CTTN: variants seen among roughly 807,000 people sequenced by gnomAD.
CTTN encodes the protein cortactin, also known as src substrate cortactin.
Under a neutral mutation model 84.0 loss-of-function variants are expected in CTTN, and 28 were observed. The observed-to-expected ratio is 0.33, with a 90% CI of 0.25 to 0.46. The LOEUF (loss-of-function observed/expected upper bound fraction) is 0.46. Among genes scored for constraint, CTTN ranks in the 20% least tolerant of loss-of-function variants. The pLI, the probability that CTTN is intolerant of heterozygous loss-of-function variation, is 1.00. For missense variants in CTTN, 641 were observed against 723.8 expected (o/e 0.89, Z 1.31); for synonymous variants, 301 against 288.8 (o/e 1.04, Z -0.43).
intron 5 of CTTN, among the ~76,000 whole-genome samples, chr11:70,411,863 A>G (rs1051422280): frequency 6.6e-6 from 1 of 150,572 alleles, no homozygotes; most frequent in Non-Finnish European, 1.5e-5. Flanking sequence ...TCCCAGGGAG[A>G]CTCCCCTCCG....
At chr11:70,409,124 G>A (rs2058073911) in intron 4 of CTTN, among the ~76,000 whole-genome samples, 1 of 152,074 alleles carries the variant, frequency 6.6e-6, no homozygotes, top group Admixed American at 6.5e-5. Context: ...TCCAAGCCTG[G>A]TTTGTATTTC....
rs115938140 is a variant in CTTN, at chr11:70,423,538, G to A, written c.957+543G>A. Reference sequence around the variant, plus strand: ...TGACCACACAGCACCATCCAGGGGCGTAGGCAGGCAGAGCAGGTGTTCGGG... The same window carrying A: ...TGACCACACAGCACCATCCAGGGGCATAGGCAGGCAGAGCAGGTGTTCGGG... On this transcript the variant is annotated intron_variant, in intron 12 of 17. Coordinates refer to ENST00000301843, the MANE Select transcript of CTTN (RefSeq NM_005231.4). 4.0e-3 allele frequency among the ~76,000 whole-genome samples: 606 copies of A among 152,342 alleles called. 5 individuals carry two copies. The highest frequency in any genetic ancestry group is 0.014 in the African/African-American group (564 of 41,582).
chr11:70,431,161 A>G, intron 14 of CTTN, 30 bp from the exon 15 acceptor site: 3 of 1,607,006 alleles, frequency 1.9e-6, no homozygotes, highest in Non-Finnish European at 2.6e-6. Flanking sequence ...TCATGGCAGC[A>G]TTCTGATTGC....
chr11:70,425,130 A>G (rs1032918822), intron 12 of CTTN, among the ~76,000 whole-genome samples: 1 of 152,142 alleles, frequency 6.6e-6, no homozygotes, highest in African/African-American at 2.4e-5. Context: ...ATGCTGACCC[A>G]CGATTGCCTG....
At chr11:70,416,525 G>A (rs759237392) in intron 7 of CTTN, among the ~76,000 whole-genome samples, 56 of 152,076 alleles carry the variant, frequency 3.7e-4, no homozygotes, top group Non-Finnish European at 1.2e-4. Context: ...TGCGCCTCCT[G>A]GGTTCAAACG....
chr11:70,407,281 C>A lies in CTTN; in HGVS notation c.1-17C>A. On this transcript the variant is annotated splice_polypyrimidine_tract_variant and intron_variant, in intron 2 of 17. Transcript: ENST00000301843. ...GCGCCCTGAGGCCTCCGTAACCCTCCCCGGCTGCTCTTTCAGATGTGGAAA... is the reference window on the plus strand; with the variant it reads ...GCGCCCTGAGGCCTCCGTAACCCTCACCGGCTGCTCTTTCAGATGTGGAAA... 1 of 1,549,368 alleles carries A rather than the reference C, an allele frequency of 6.5e-7. No individual in the cohort carries two copies. The highest frequency in any genetic ancestry group is 8.7e-7 in the Non-Finnish European group (1 of 1,146,586).
chr11:70,435,278 T>TTTTTTAG lies in CTTN; in HGVS notation c.*116_*117insTTTTTAG. On this transcript the variant is annotated 3_prime_UTR_variant, in exon 18 of 18. Transcript: ENST00000301843. ...GTTTTTTTTTTTTTTTTTTTTTTTT[T>TTTTTTAG]GAAGGTGGGGAGGGGAATATACACA... 3.6e-6 allele frequency: 4 copies of TTTTTTAG among 1,113,738 alleles called. No homozygotes were observed. The highest frequency in any genetic ancestry group is 1.9e-5 in the South Asian group (1 of 52,410). The allele number at this position is 1,113,738 out of a possible 1,614,324, so 69.0% of individuals were successfully genotyped here. A position where few individuals can be genotyped will look rare whatever the true frequency, so the allele number is the denominator to read the frequency against.
intron 8 of CTTN, among the ~76,000 whole-genome samples, chr11:70,418,886 C>G (rs574366880): frequency 6.7e-6 from 1 of 150,278 alleles, no homozygotes; most frequent in African/African-American, 2.5e-5. Flanking sequence ...AAACAATTCT[C>G]CTGCCTCAGT....
intron 12 of CTTN, among the ~76,000 whole-genome samples, chr11:70,423,613 C>T (rs540844893): frequency 4.6e-5 from 7 of 152,182 alleles, no homozygotes; most frequent in Admixed American, 2.0e-4. Context: ...AGGGCAGGCG[C>T]GAGTTCACCA....
chr11:70,412,742 G>T (rs1038363464), intron 5 of CTTN, among the ~76,000 whole-genome samples: 2 of 152,124 alleles, frequency 1.3e-5, no homozygotes, highest in African/African-American at 2.4e-5. Context: ...CTTGCATCCC[G>T]TAGCCCTGAG....
chr11:70,419,676 G>A, intron 8 of CTTN, 70 bp from the exon 9 acceptor site: 1 of 1,335,748 alleles, frequency 7.5e-7, no homozygotes, highest in Non-Finnish European at 1.0e-6. Flanking sequence ...TTTAATCAAA[G>A]GATAAAATAC....
chr11:70,415,836 T>C, intron 7 of CTTN, 119 bp downstream of exon 7: 1 of 932,506 alleles, frequency 1.1e-6, no homozygotes, highest in South Asian at 1.4e-5. Context: ...CACAGCCACC[T>C]GAAGCCGTTT....
intron 6 of CTTN, among the ~76,000 whole-genome samples, chr11:70,415,059 C>T (rs887066728): frequency 6.6e-6 from 1 of 152,160 alleles, no homozygotes; most frequent in Non-Finnish European, 1.5e-5. Flanking sequence ...TGCAGTCATC[C>T]TAGGCCCGAG....
chr11:70,401,972 T>C (rs1013013793), intron 1 of CTTN, among the ~76,000 whole-genome samples: 2 of 151,530 alleles, frequency 1.3e-5, no homozygotes, highest in African/African-American at 4.9e-5. Context: ...ACCAACATAA[T>C]GAAACCCCAT....
chr11:70,422,972 G>T lies in CTTN; in HGVS notation c.934G>T (p.Val312Leu). 1.2e-6 allele frequency: 2 copies of T among 1,614,056 alleles called. No homozygotes were observed. Among genetic ancestry groups the T allele is most frequent in the Non-Finnish European group, 1.7e-6 (2 of 1,180,008 alleles). Reference protein sequence around the residue: ...YSKGFGGKYGVQKDRMDKNAS... With the variant: ...YSKGFGGKYGLQKDRMDKNAS... ...CAAAGGATTCGGCGGGAAGTATGGG[G>T]TGCAGAAGGATCGGATGGATAAGGT... Residue 312 changes from valine to leucine, a missense_variant, in exon 12 of 18, where the codon GTG (valine) becomes TTG (leucine). Coordinates refer to ENST00000301843, the MANE Select transcript of CTTN (RefSeq NM_005231.4).
At chr11:70,407,651 A>G (rs2058057876) in intron 4 of CTTN, 60 bp downstream of exon 4, 9 of 1,519,142 alleles carry the variant, frequency 5.9e-6, no homozygotes, top group African/African-American at 1.4e-5. Flanking sequence ...CCCAGGTGCA[A>G]CAGGGCCCAT....
At chr11:70,403,229 G>T (rs560266863) in intron 1 of CTTN, among the ~76,000 whole-genome samples, 1 of 127,246 alleles carries the variant, frequency 7.9e-6, no homozygotes, top group South Asian at 2.4e-4. Flanking sequence ...TCACTCTGTC[G>T]CCAGGCTGCA....
Position 70,403,186 on chromosome 11 carries a change from C to CTTT in CTTN, c.-97-2060_-97-2058dup, listed in dbSNP as rs1209259210. On this transcript the variant is annotated intron_variant, in intron 1 of 17. Transcript: ENST00000301843. The stretch of plus-strand genomic sequence containing the variant: ...CCTTTTTATTGAATTATAAGAGTTC[C>CTTT]TTTTTTTTTTTTTTTTTTTTTGAGA... Among the ~76,000 whole-genome samples, 127 of 114,702 alleles carry CTTT rather than the reference C, an allele frequency of 1.1e-3. 2 individuals are homozygous for CTTT. The highest frequency in any genetic ancestry group is 2.8e-3 in the African/African-American group (81 of 29,398). 75.2% of individuals were successfully genotyped at this position (114,702 alleles called of 152,430 possible).
intron 17 of CTTN, among the ~76,000 whole-genome samples, chr11:70,434,697 C>T (rs1374084589): frequency 6.6e-6 from 1 of 152,254 alleles, no homozygotes. Flanking sequence ...TCCCCACCCC[C>T]TCCACAGACA....
Sources: gnomAD v4.1 joint callset for allele counts (sites outside exome capture counted in the v4.1 genomes callset) on GRCh38, gnomAD v4.1.1 for gene constraint, MANE v1.5 for transcripts, NCBI Gene and HGNC (gene_info 2026-07-23, HGNC 2026-07-21) for gene names.